Variants in ZFAND3 observed in about 807,000 individuals in gnomAD.
ZFAND3 encodes the protein AN1-type zinc finger protein 3.
ZFAND3 carries 10 observed loss-of-function variants against 29.6 expected under a neutral mutation model. The ratio of observed to expected loss-of-function variants is 0.34; its 90% confidence interval spans 0.21 to 0.57. ZFAND3 has a LOEUF of 0.57. Among genes scored for constraint, ZFAND3 ranks in the 20% least tolerant of loss-of-function variants. The pLI, the probability that ZFAND3 is intolerant of heterozygous loss-of-function variation, is 0.86. For missense variants in ZFAND3, 230 were observed against 304.5 expected, an observed-to-expected ratio of 0.76 and a Z score of 1.82; for synonymous variants, 128 against 112.6, an observed-to-expected ratio of 1.14 and a Z score of -0.87.
At chr6:38,017,589 G>A (rs529728452) in intron 2 of ZFAND3, among the ~76,000 whole-genome samples, 26 of 151,872 alleles carry the variant, frequency 1.7e-4, no homozygotes, top group Middle Eastern at 3.2e-3. Flanking sequence ...TTCTTAAAGC[G>A]GTAAAGGGAA....
chr6:37,935,643 A>T (rs1761684847), intron 2 of ZFAND3, among the ~76,000 whole-genome samples: 1 of 152,172 alleles, frequency 6.6e-6, no homozygotes, highest in Admixed American at 6.5e-5. Context: ...ACTTGCATTG[A>T]GTTGAAAATA....
intron 1 of ZFAND3, among the ~76,000 whole-genome samples, chr6:37,869,276 A>G (rs2395687): frequency 0.7 from 106,172 of 151,948 alleles, 37,630 homozygotes; most frequent in African/African-American, 0.77. Context: ...TGATTCTCCT[A>G]CCTCAGCCTC....
At chr6:37,859,861 G>A (rs1464531994) in intron 1 of ZFAND3, among the ~76,000 whole-genome samples, 5 of 95,826 alleles carry the variant, frequency 5.2e-5, no homozygotes, top group Non-Finnish European at 9.2e-5. Flanking sequence ...GGCTGGAGTG[G>A]GTTTTTTTTT....
intron 5 of ZFAND3, among the ~76,000 whole-genome samples, chr6:38,129,716 C>G (rs1026780326): frequency 2.0e-5 from 3 of 151,918 alleles, no homozygotes; most frequent in African/African-American, 7.2e-5. Context: ...GTTTTGGTGA[C>G]TACGGCCTTA....
At chr6:37,899,836 A>G (rs1765286576) in intron 1 of ZFAND3, among the ~76,000 whole-genome samples, 1 of 152,234 alleles carries the variant, frequency 6.6e-6, no homozygotes, top group Non-Finnish European at 1.5e-5. Flanking sequence ...CCCCGAGGGC[A>G]ACCTATGTAA....
intron 2 of ZFAND3, among the ~76,000 whole-genome samples, chr6:38,049,330 G>T (rs1327693566): frequency 6.6e-6 from 1 of 152,150 alleles, no homozygotes; most frequent in East Asian, 1.9e-4. Flanking sequence ...GTCAGGCACC[G>T]TTCTAAGACT....
intron 1 of ZFAND3, among the ~76,000 whole-genome samples, chr6:37,821,262 CAAAG>C (rs1430899107): frequency 1.3e-5 from 2 of 152,194 alleles, no homozygotes; most frequent in Non-Finnish European, 2.9e-5. Context: ...AAGGTTATGA[CAAAG>C]AAGTGGATTT....
intron 4 of ZFAND3, among the ~76,000 whole-genome samples, chr6:38,096,599 A>C (rs114947339): frequency 6.6e-6 from 1 of 152,334 alleles, no homozygotes; most frequent in African/African-American, 2.4e-5. Context: ...GCCCTTCTTC[A>C]GCGCTGGAAC....
intron 1 of ZFAND3, among the ~76,000 whole-genome samples, chr6:37,929,583 T>G (rs1234577193): frequency 6.6e-6 from 1 of 152,214 alleles, no homozygotes; most frequent in Non-Finnish European, 1.5e-5. Flanking sequence ...TTTTTCTGTA[T>G]GAAAAGAGGG....
rs949157033 is a variant in ZFAND3 at position 38,154,379 on chromosome 6, G to A, written c.*1990G>A. The A allele has an allele frequency of 9.3e-5, 63 of 679,954 alleles. No individual in the cohort carries two copies. Among genetic ancestry groups the A allele is most frequent in the Non-Finnish European group, 1.1e-4 (63 of 551,996 alleles). 42.1% of individuals were successfully genotyped at this position (679,954 alleles called of 1,614,324 possible). A position where few individuals can be genotyped will look rare whatever the true frequency, so the allele number is the denominator to read the frequency against. ...TCGCTTCCTGACTTAGAGCTGGGGGGGGTGGGGGGTGGGGCTTGTTCCCCT... is the reference window on the plus strand; with the variant it reads ...TCGCTTCCTGACTTAGAGCTGGGGGAGGTGGGGGGTGGGGCTTGTTCCCCT... On this transcript the variant is annotated 3_prime_UTR_variant, in exon 6 of 6. Transcript: ENST00000287218.
chr6:38,103,403 A>G (rs1765135869), intron 4 of ZFAND3, among the ~76,000 whole-genome samples: 2 of 121,996 alleles, frequency 1.6e-5, no homozygotes, highest in South Asian at 4.4e-4. Context: ...ACATATATAT[A>G]CACACACACG....
chr6:37,872,519 A>G (rs1453529703), intron 1 of ZFAND3, among the ~76,000 whole-genome samples: 19 of 152,020 alleles, frequency 1.2e-4, no homozygotes, highest in Admixed American at 1.0e-3. Context: ...AACCCCTTTC[A>G]TTTCTCTTCA....
intron 2 of ZFAND3, among the ~76,000 whole-genome samples, chr6:37,978,063 G>A (rs1762520267): frequency 6.6e-6 from 1 of 151,880 alleles, no homozygotes; most frequent in South Asian, 2.1e-4. Context: ...CTCCTCAGTA[G>A]CTGGGATTAC....
chr6:37,982,528 C>A (rs1023758650), intron 2 of ZFAND3, among the ~76,000 whole-genome samples: 1 of 152,098 alleles, frequency 6.6e-6, no homozygotes, highest in Non-Finnish European at 1.5e-5. Flanking sequence ...TGAAAAAACT[C>A]CTATTGCCTA....
chr6:37,948,213 A>G (rs1458991547), intron 2 of ZFAND3, among the ~76,000 whole-genome samples: 1 of 152,224 alleles, frequency 6.6e-6, no homozygotes, highest in Non-Finnish European at 1.5e-5. Context: ...GAATACAATC[A>G]TGGATTAAAG....
At chr6:37,860,972 G>C (rs1198364238) in intron 1 of ZFAND3, among the ~76,000 whole-genome samples, 2 of 152,072 alleles carry the variant, frequency 1.3e-5, no homozygotes, top group Non-Finnish European at 1.5e-5. Flanking sequence ...TAGTTAAATA[G>C]CATAAGGCCG....
In ZFAND3 at chr6:37,980,163, C is replaced by T. The variant is rs1357997999; in HGVS notation, c.112+50164C>T. On this transcript the variant is annotated intron_variant, in intron 2 of 5. Coordinates refer to ENST00000287218, the MANE Select transcript of ZFAND3 (RefSeq NM_021943.3). ...TTTCCCATCTCTCAGAGGTCACTGTCTTTTTTTTTTTTTTTGCTAGATATC... is the reference window on the plus strand; with the variant it reads ...TTTCCCATCTCTCAGAGGTCACTGTTTTTTTTTTTTTTTTTGCTAGATATC... 3.1e-3 allele frequency among the ~76,000 whole-genome samples: 440 copies of T among 141,592 alleles called. 3 individuals carry two copies. The highest frequency in any genetic ancestry group is 0.011 in the African/African-American group (419 of 38,870). 92.9% of individuals were successfully genotyped at this position (141,592 alleles called of 152,430 possible). A position where few individuals can be genotyped will look rare whatever the true frequency, so the allele number is the denominator to read the frequency against.
At chr6:37,976,960 G>C (rs1762489775) in intron 2 of ZFAND3, among the ~76,000 whole-genome samples, 2 of 152,168 alleles carry the variant, frequency 1.3e-5, no homozygotes, top group South Asian at 4.1e-4. Flanking sequence ...TGATGTTTGT[G>C]AATGAAGACA....
intron 4 of ZFAND3, among the ~76,000 whole-genome samples, chr6:38,107,545 C>T (rs1765232804): frequency 6.6e-6 from 1 of 152,144 alleles, no homozygotes; most frequent in South Asian, 2.1e-4. Context: ...TAAATATTCC[C>T]TTCCTGCCAG....
Sources: gnomAD v4.1 joint callset for allele counts (sites outside exome capture counted in the v4.1 genomes callset) on GRCh38, gnomAD v4.1.1 for gene constraint, MANE v1.5 for transcripts, NCBI Gene and HGNC (gene_info 2026-07-23, HGNC 2026-07-21) for gene names.